ADAMTS12: variants seen among roughly 807,000 people sequenced by gnomAD.
ADAMTS12 encodes the protein A disintegrin and metalloproteinase with thrombospondin motifs 12.
ADAMTS12 carries 118 observed loss-of-function variants against 167.8 expected under a neutral mutation model. The ratio of observed to expected loss-of-function variants is 0.70; its 90% CI spans 0.61 to 0.82. ADAMTS12 has a LOEUF of 0.82. Among genes scored for constraint, ADAMTS12 ranks in the 40% least tolerant of loss-of-function variants. The pLI is 0.00. For synonymous variants in ADAMTS12, 704 were observed against 716.9 expected (o/e 0.98, Z 0.29); for missense variants, 1,916 against 1,998.8 (o/e 0.96, Z 0.79).
In ADAMTS12 at chr5:33,649,589, G is replaced by A. The variant is rs767038950; in HGVS notation, c.1299C>T (p.Ser433=). 1 of 1,613,976 alleles carries A rather than the reference G, an allele frequency of 6.2e-7. No homozygotes were observed. Among genetic ancestry groups the A allele is most frequent in the Non-Finnish European group, 8.5e-7 (1 of 1,179,878 alleles). Residue 433 remains serine (S), a synonymous_variant, in exon 8 of 24, where the codon TCC becomes TCT. Coordinates refer to ENST00000504830, the MANE Select transcript of ADAMTS12 (RefSeq NM_030955.4). ...LQYDPTPLTW[S]KCSEEYITRF... is the part of the protein sequence containing the mutation. ...GGGTGATGTACTCCTCGCTGCACTTGGACCATGTCAGCGGAGTGGGATCGT... is the reference window on the plus strand; with the variant it reads ...GGGTGATGTACTCCTCGCTGCACTTAGACCATGTCAGCGGAGTGGGATCGT...
At chr5:33,628,784 G>A (rs1179134489) in intron 13 of ADAMTS12, among the ~76,000 whole-genome samples, 1 of 152,136 alleles carries the variant, frequency 6.6e-6, no homozygotes, top group Non-Finnish European at 1.5e-5. Flanking sequence ...AGGCTATTAA[G>A]CATATTTGAT....
rs1438804768 is a variant in ADAMTS12 at position 33,881,231 on chromosome 5, A to C, written c.377T>G (p.Leu126Arg). The C allele has an allele frequency of 6.2e-7, 1 of 1,614,170 alleles. No individual in the cohort carries two copies. The highest frequency in any genetic ancestry group is 2.2e-5 in the East Asian group (1 of 44,876). ...SYIMEKRYGNLSHVKMMASSA... is the reference protein window; with the variant it reads ...SYIMEKRYGNRSHVKMMASSA... Reference sequence around the variant, plus strand: ...GGAAGCCATCATCTTAACATGGGAGAGGTTCCCATATCTCTTCTCCATGAT... The same window carrying C: ...GGAAGCCATCATCTTAACATGGGAGCGGTTCCCATATCTCTTCTCCATGAT... Residue 126 changes from leucine (L) to arginine (R), a missense_variant, in exon 2 of 24, where the codon CTC becomes CGC. Coordinates refer to ENST00000504830, the MANE Select transcript of ADAMTS12 (RefSeq NM_030955.4).
At chr5:33,882,593 T>C (rs1750486853) in intron 1 of ADAMTS12, among the ~76,000 whole-genome samples, 1 of 152,184 alleles carries the variant, frequency 6.6e-6, no homozygotes, top group Admixed American at 6.5e-5. Context: ...TTTTGTTTTG[T>C]TTTGTATTGT....
At chr5:33,579,851 A>G (rs1746966587) in intron 18 of ADAMTS12, among the ~76,000 whole-genome samples, 1 of 152,174 alleles carries the variant, frequency 6.6e-6, no homozygotes, top group South Asian at 2.1e-4. Flanking sequence ...GATGCTGATA[A>G]TAATAATAGT....
intron 17 of ADAMTS12, among the ~76,000 whole-genome samples, chr5:33,595,466 C>G (rs1383864843): frequency 6.6e-6 from 1 of 152,180 alleles, no homozygotes; most frequent in Admixed American, 6.5e-5. Flanking sequence ...AACAAAGAGT[C>G]AGCCAGCCCC....
At chr5:33,775,967 A>T (rs1473525807) in intron 2 of ADAMTS12, among the ~76,000 whole-genome samples, 1 of 152,246 alleles carries the variant, frequency 6.6e-6, no homozygotes, top group Non-Finnish European at 1.5e-5. Context: ...AAAAACTGTC[A>T]CAAGAGACGA....
intron 22 of ADAMTS12, among the ~76,000 whole-genome samples, chr5:33,545,761 A>C (rs1313863328): frequency 6.6e-6 from 1 of 151,892 alleles, no homozygotes; most frequent in Non-Finnish European, 1.5e-5. Context: ...TATCGCAAGG[A>C]CAAAAAACCA....
intron 19 of ADAMTS12, among the ~76,000 whole-genome samples, chr5:33,566,488 G>T (rs540283959): frequency 1.3e-5 from 2 of 151,930 alleles, no homozygotes; most frequent in African/African-American, 4.8e-5. Flanking sequence ...AGTCAGTGAC[G>T]GACTCCTTCT....
In ADAMTS12 at chr5:33,643,377, CCTT is replaced by C. The variant is rs1740539626; in HGVS notation, c.1570_1572del (p.Lys524del). The C allele has an allele frequency of 1.2e-6, 2 of 1,614,130 alleles. No homozygotes were observed. Among genetic ancestry groups the C allele is most frequent in the Non-Finnish European group, 1.7e-6 (2 of 1,179,964 alleles). ...CCTCATTCCTCGGCCTGACGCATCA[CCTT>C]CTTCTCACCACATTGAGTTCCATCT... is the stretch of plus-strand genomic sequence containing the variant. On this transcript the variant is annotated inframe_deletion and splice_region_variant, in exon 10 of 24. Coordinates refer to ENST00000504830, the MANE Select transcript of ADAMTS12 (RefSeq NM_030955.4).
At chr5:33,621,271 G>A (rs753914369) in intron 14 of ADAMTS12, among the ~76,000 whole-genome samples, 2 of 151,878 alleles carry the variant, frequency 1.3e-5, no homozygotes, top group African/African-American at 4.8e-5. Flanking sequence ...GTGGTGTCAC[G>A]CACCTGTAAT....
intron 20 of ADAMTS12, among the ~76,000 whole-genome samples, chr5:33,556,645 G>A (rs1020587785): frequency 9.8e-5 from 15 of 152,314 alleles, no homozygotes; most frequent in South Asian, 6.2e-4. Context: ...GTCTGTAAAA[G>A]GTATAACTGC....
At chr5:33,756,343 G>A (rs1380062495) in intron 2 of ADAMTS12, among the ~76,000 whole-genome samples, 6 of 152,164 alleles carry the variant, frequency 3.9e-5, no homozygotes, top group African/African-American at 4.8e-5. Flanking sequence ...ACTGTGTTTC[G>A]GAGGCCACTG....
chr5:33,539,106 T>C (rs1447912681), intron 22 of ADAMTS12, among the ~76,000 whole-genome samples: 1 of 152,128 alleles, frequency 6.6e-6, no homozygotes, highest in Non-Finnish European at 1.5e-5. Context: ...CATGCCTGAC[T>C]AATTTTTTTA....
chr5:33,581,896 C>T (rs1256877808), intron 18 of ADAMTS12, among the ~76,000 whole-genome samples: 1 of 152,032 alleles, frequency 6.6e-6, no homozygotes, highest in Non-Finnish European at 1.5e-5. Flanking sequence ...AAGATGAAGG[C>T]AGAGATTGGA....
At chr5:33,791,318 T>C (rs1006499315) in intron 2 of ADAMTS12, among the ~76,000 whole-genome samples, 1 of 152,244 alleles carries the variant, frequency 6.6e-6, no homozygotes, top group Non-Finnish European at 1.5e-5. Flanking sequence ...TAATATGCTC[T>C]GTAATGCTAG....
chr5:33,705,152 G>A (rs1013170446), intron 3 of ADAMTS12, among the ~76,000 whole-genome samples: 2 of 151,482 alleles, frequency 1.3e-5, no homozygotes, highest in Middle Eastern at 3.4e-3. Flanking sequence ...AGAACATATC[G>A]TGTTTGGTTT....
At chr5:33,593,617 G>A (rs1489799641) in intron 17 of ADAMTS12, among the ~76,000 whole-genome samples, 1 of 152,132 alleles carries the variant, frequency 6.6e-6, no homozygotes, top group Non-Finnish European at 1.5e-5. Flanking sequence ...ACTCATAAGT[G>A]GGAGTTGAAC....
In ADAMTS12 at chr5:33,649,573, A is replaced by G; in HGVS notation, c.1315T>C (p.Tyr439His). The change falls in exon 8 of 24, where the codon TAC becomes CAC. Residue 439 changes from tyrosine (Y) to histidine (H), a missense_variant. Tyr to His is a moderately conservative substitution (Grantham distance 83, BLOSUM62 2). Coordinates refer to ENST00000504830, the MANE Select transcript of ADAMTS12 (RefSeq NM_030955.4). ...PLTWSKCSEE[Y>H]ITRFLDRGWG... ...ACTTACTCCAAGAAGCGGGTGATGT[A>G]CTCCTCGCTGCACTTGGACCATGTC... The G allele has an allele frequency of 1.2e-6, 2 of 1,613,680 alleles. No homozygotes were observed. The highest frequency in any genetic ancestry group is 1.7e-6 in the Non-Finnish European group (2 of 1,179,760).
chr5:33,590,898 CTTTTTTT>C (rs60630543), intron 17 of ADAMTS12, among the ~76,000 whole-genome samples: 3 of 137,844 alleles, frequency 2.2e-5, no homozygotes, highest in East Asian at 2.1e-4. Flanking sequence ...CTTCTTCTTC[CTTTTTTT>C]TTTTTTTTTT....
Sources: gnomAD v4.1 joint callset for allele counts (sites outside exome capture counted in the v4.1 genomes callset) on GRCh38, gnomAD v4.1.1 for gene constraint, MANE v1.5 for transcripts, NCBI Gene and HGNC (gene_info 2026-07-23, HGNC 2026-07-21) for gene names.